The following FOXJ3 variants were observed in gnomAD, a reference collection of about 807,000 sequenced individuals.
FOXJ3 encodes the protein forkhead box protein J3.
Under a neutral mutation model 76.1 loss-of-function variants are expected in FOXJ3, and 22 were observed. The observed-to-expected ratio is 0.29, with a 90% CI of 0.21 to 0.41. The LOEUF (loss-of-function observed/expected upper bound fraction) is 0.41. Ranked by LOEUF, FOXJ3 falls within the 10% of genes least tolerant of loss-of-function variation. FOXJ3 has a pLI of 1.00. For synonymous variants in FOXJ3, 269 were observed against 261.2 expected, an observed-to-expected ratio of 1.03 and a Z score of -0.29; for missense variants, 613 against 762.1, an observed-to-expected ratio of 0.80 and a Z score of 2.30.
At chr1:42,224,860 G>A (rs567442596) in intron 5 of FOXJ3, among the ~76,000 whole-genome samples, 3 of 152,016 alleles carry the variant, frequency 2.0e-5, no homozygotes, top group Admixed American at 2.0e-4. Flanking sequence ...GCTGAAGTGG[G>A]TGGACTGCTT....
intron 2 of FOXJ3, among the ~76,000 whole-genome samples, chr1:42,279,213 A>G (rs1396121932): frequency 6.6e-6 from 1 of 152,210 alleles, no homozygotes. Flanking sequence ...TTATGCAGGT[A>G]GGCGGTAGGA....
At chr1:42,317,514 T>TAAAAA (rs11365048) in intron 1 of FOXJ3, among the ~76,000 whole-genome samples, 1 of 106,398 alleles carries the variant, frequency 9.4e-6, no homozygotes, top group Non-Finnish European at 1.9e-5. Flanking sequence ...AGAGAAACCA[T>TAAAAA]AAAAAAAAAA....
At chr1:42,300,988 T>C (rs926394692) in intron 2 of FOXJ3, among the ~76,000 whole-genome samples, 6 of 152,214 alleles carry the variant, frequency 3.9e-5, no homozygotes, top group Non-Finnish European at 7.3e-5. Flanking sequence ...GATGACTATA[T>C]GCTTAGATGA....
Position 42,185,877 on chromosome 1 carries a change from T to G in FOXJ3, c.1645+2860A>C, listed in dbSNP as rs148027016. On this transcript the variant is annotated intron_variant, in intron 11 of 12. Transcript: ENST00000361346. Reference sequence around the variant, plus strand: ...ATTTCTGGAGTCTACAGGAAGCTCATGGAGGTGTTTACCAAGCGGGTCCTT... The same window carrying G: ...ATTTCTGGAGTCTACAGGAAGCTCAGGGAGGTGTTTACCAAGCGGGTCCTT... Among the ~76,000 whole-genome samples, 647 of 152,144 alleles carry G rather than the reference T, an allele frequency of 4.3e-3. 11 individuals are homozygous for G. Among genetic ancestry groups the G allele is most frequent in the African/African-American group, 0.015 (604 of 41,462 alleles).
rs1332560922 is a variant in FOXJ3, at chr1:42,189,016, C to T, written c.1454-88G>A. On this transcript the variant is annotated intron_variant, in intron 10 of 12. Coordinates refer to ENST00000361346, the MANE Select transcript of FOXJ3 (RefSeq NM_014947.5). ...GCAAGACATAATTTTTTTCAGCTCT[C>T]AAAATTTCCACTCACTCCACTTTAT... is the stretch of plus-strand genomic sequence containing the variant. The T allele has an allele frequency of 3.8e-5, 32 of 838,586 alleles. No homozygotes were observed. The South Asian group carries it at 6.2e-4, about 16-fold the overall frequency. 51.9% of individuals were successfully genotyped at this position (838,586 alleles called of 1,614,324 possible). A position where few individuals can be genotyped will look rare whatever the true frequency, so the allele number is the denominator to read the frequency against.
chr1:42,183,801 G>C (rs1456028413), intron 11 of FOXJ3, among the ~76,000 whole-genome samples: 1 of 152,086 alleles, frequency 6.6e-6, no homozygotes, highest in Non-Finnish European at 1.5e-5. Flanking sequence ...AGACTATCCA[G>C]GCTTGAGATG....
chr1:42,333,893 A>G (rs1353799287), intron 1 of FOXJ3, among the ~76,000 whole-genome samples: 2 of 152,236 alleles, frequency 1.3e-5, no homozygotes, highest in Non-Finnish European at 2.9e-5. Flanking sequence ...CGCTCCTATG[A>G]CATCACGCTT....
At chr1:42,311,256 C>T in intron 1 of FOXJ3, 146 bp from the exon 2 acceptor site, 2 of 583,640 alleles carry the variant, frequency 3.4e-6, no homozygotes, top group East Asian at 3.0e-5. Context: ...CCCATCAGAA[C>T]ACAAACTTAC....
At chr1:42,232,006 T>C (rs560915224) in intron 4 of FOXJ3, among the ~76,000 whole-genome samples, 323 of 152,244 alleles carry the variant, frequency 2.1e-3, no homozygotes, top group Middle Eastern at 3.4e-3. Context: ...TGTCCATGTG[T>C]TCTCACTGTT....
intron 4 of FOXJ3, among the ~76,000 whole-genome samples, chr1:42,228,363 A>G (rs1647757105): frequency 6.6e-6 from 1 of 152,154 alleles, no homozygotes; most frequent in Non-Finnish European, 1.5e-5. Context: ...TTAGTGAAAC[A>G]TTTTTAAAGA....
At chr1:42,335,262 T>TCGCCGCCAC (rs1189177875), upstream of FOXJ3, 8 of 150,930 alleles carry the variant, frequency 5.3e-5, no homozygotes, top group Admixed American at 5.2e-4. Context: ...CCGCCCGCCC[T>TCGCCGCCAC]CGCCGCCACC....
chr1:42,257,185 GAA>G (rs1008543915), intron 4 of FOXJ3, among the ~76,000 whole-genome samples: 3 of 152,172 alleles, frequency 2.0e-5, no homozygotes, highest in Non-Finnish European at 2.9e-5. Context: ...CTTTCTGACG[GAA>G]AAGACTGCAG....
At chr1:42,260,169 CCTA>C (rs1284637878) in intron 4 of FOXJ3, among the ~76,000 whole-genome samples, 2 of 152,152 alleles carry the variant, frequency 1.3e-5, no homozygotes, top group Non-Finnish European at 2.9e-5. Flanking sequence ...ACCTACGACT[CCTA>C]CAACACTGTT....
intron 2 of FOXJ3, among the ~76,000 whole-genome samples, chr1:42,294,480 C>T (rs1653648360): frequency 6.6e-6 from 1 of 152,026 alleles, no homozygotes; most frequent in African/African-American, 2.4e-5. Context: ...AACTTGAGGC[C>T]AGGCGCGGTG....
intron 2 of FOXJ3, among the ~76,000 whole-genome samples, chr1:42,306,583 T>G (rs1415388708): frequency 1.3e-5 from 2 of 152,138 alleles, no homozygotes; most frequent in Admixed American, 6.5e-5. Context: ...ATTACAGGCA[T>G]GAGCCACGGT....
chr1:42,266,372 C>CA lies in FOXJ3; in HGVS notation c.370-1184dup, dbSNP rs1037006994. ...CTAGGTAAGCTTTAAAAAAAATAAA[C>CA]AAAAAAAACCTATTTTTAAGCCACA... On this transcript the variant is annotated intron_variant, in intron 3 of 12. Transcript: ENST00000361346. Among the ~76,000 whole-genome samples, 20 of 151,686 alleles carry CA rather than the reference C, an allele frequency of 1.3e-4. No homozygotes were observed. The East Asian group carries it at 1.6e-3, about 12-fold the overall frequency.
chr1:42,326,955 C>T (rs1241639218), intron 1 of FOXJ3, among the ~76,000 whole-genome samples: 1 of 152,194 alleles, frequency 6.6e-6, no homozygotes, highest in African/African-American at 2.4e-5. Context: ...CTGAGTGGCA[C>T]TGAGTCCTAC....
At chr1:42,299,236 T>C (rs1367544166) in intron 2 of FOXJ3, among the ~76,000 whole-genome samples, 1 of 152,228 alleles carries the variant, frequency 6.6e-6, no homozygotes, top group Non-Finnish European at 1.5e-5. Context: ...TATTATTGTA[T>C]TGCTATCAAT....
At chr1:42,236,331 T>A (rs865881799) in intron 4 of FOXJ3, among the ~76,000 whole-genome samples, 1 of 152,152 alleles carries the variant, frequency 6.6e-6, no homozygotes, top group African/African-American at 2.4e-5. Context: ...GGTAGGACTA[T>A]AAGTTCCTGT....
Sources: gnomAD v4.1 joint callset for allele counts (sites outside exome capture counted in the v4.1 genomes callset) on GRCh38, gnomAD v4.1.1 for gene constraint, MANE v1.5 for transcripts, NCBI Gene and HGNC (gene_info 2026-07-23, HGNC 2026-07-21) for gene names.